DISP1: variants seen among roughly 807,000 people sequenced by gnomAD.
The protein encoded by DISP1 is protein dispatched homolog 1.
DISP1 carries 30 observed loss-of-function variants against 37.3 expected under a neutral mutation model. The ratio of observed to expected loss-of-function variants is 0.80; its 90% CI spans 0.60 to 1.09. The LOEUF is 1.09. Ranked by LOEUF, DISP1 falls within the 50% of genes least tolerant of loss-of-function variation. The probability of loss-of-function intolerance (pLI) is 0.00; values close to 1 mark genes in which losing one functional copy is unlikely to be tolerated. For synonymous variants in DISP1, 634 were observed against 690.2 expected, an observed-to-expected ratio of 0.92 and a Z score of 1.28; for missense variants, 1,598 against 1,879.5, an observed-to-expected ratio of 0.85 and a Z score of 2.77.
chr1:223,004,620 T>A lies in DISP1; in HGVS notation c.3223T>A (p.Ser1075Thr). 6.2e-7 allele frequency: 1 copy of A among 1,614,020 alleles called. No homozygotes were observed. Among genetic ancestry groups the A allele is most frequent in the Non-Finnish European group, 8.5e-7 (1 of 1,179,912 alleles). ...CGACCGAGAAGGCAAAGTGATCTTC[T>A]CTCTGAGTCGCGTGGGCTCTGCGAT... ...DPDREGKVIF[S>T]LSRVGSAMAM... Residue 1075 changes from serine to threonine, a missense_variant, in exon 9 of 9, where the codon TCT becomes ACT. Coordinates refer to ENST00000675850, the MANE Select transcript of DISP1 (RefSeq NM_001377229.1). The surrounding 1 kb of genome is among the most constrained non-coding windows in gnomAD (Gnocchi z 4.9).
chr1:222,870,863 C>G (rs1455181962), intron 1 of DISP1, among the ~76,000 whole-genome samples: 1 of 152,134 alleles, frequency 6.6e-6, no homozygotes, highest in African/African-American at 2.4e-5. Context: ...GAAGTCCTTG[C>G]CCATGCCTAT....
intron 1 of DISP1, among the ~76,000 whole-genome samples, chr1:222,842,843 A>G (rs1483313689): frequency 6.6e-6 from 1 of 152,056 alleles, no homozygotes; most frequent in Non-Finnish European, 1.5e-5. Flanking sequence ...GATGCACTTT[A>G]TGCTCCACAG....
intron 1 of DISP1, among the ~76,000 whole-genome samples, chr1:222,874,039 G>A (rs1669782296): frequency 6.6e-6 from 1 of 152,140 alleles, no homozygotes; most frequent in South Asian, 2.1e-4. Context: ...ATGAAACTTA[G>A]TTTGGCTGGA....
chr1:222,946,153 C>T (rs1001434680), intron 3 of DISP1, among the ~76,000 whole-genome samples: 56 of 149,044 alleles, frequency 3.8e-4, no homozygotes, highest in African/African-American at 1.1e-3. Context: ...GCAGGCAGAT[C>T]GCGAGGTCAG....
At chr1:222,858,263 AGTT>A (rs1668660058) in intron 1 of DISP1, among the ~76,000 whole-genome samples, 1 of 152,206 alleles carries the variant, frequency 6.6e-6, no homozygotes, top group Non-Finnish European at 1.5e-5. Context: ...AAGAAAGTCT[AGTT>A]GTGTTTCATA....
intron 8 of DISP1, among the ~76,000 whole-genome samples, chr1:222,996,099 A>G (rs1023498079): frequency 6.6e-6 from 1 of 152,218 alleles, no homozygotes; most frequent in Non-Finnish European, 1.5e-5. Context: ...ATTTTCTGTC[A>G]GTGCTATCTT....
intron 1 of DISP1, among the ~76,000 whole-genome samples, chr1:222,926,029 C>G (rs1050188846): frequency 6.6e-6 from 1 of 152,144 alleles, no homozygotes; most frequent in Non-Finnish European, 1.5e-5. Flanking sequence ...AATTCTATAA[C>G]ATTTTCACCA....
At chr1:222,934,807 C>A (rs935192397) in intron 2 of DISP1, among the ~76,000 whole-genome samples, 2 of 152,008 alleles carry the variant, frequency 1.3e-5, no homozygotes, top group East Asian at 3.9e-4. Context: ...CTAAAAAGAT[C>A]AAAATCTTAA....
In DISP1 at chr1:222,977,097, T is replaced by A. The variant is rs576926801; in HGVS notation, c.510-5983T>A. ...CAGGCTGGAGTACAATGGCGCGATC[T>A]CGGTTCACCGCAACCTCCGCCTCCC... On this transcript the variant is annotated intron_variant, in intron 3 of 8. Transcript: ENST00000675850. 2.0e-5 allele frequency among the ~76,000 whole-genome samples: 3 copies of A among 152,306 alleles called. No homozygotes were observed. The East Asian group carries it at 5.8e-4, about 29-fold the overall frequency.
intron 1 of DISP1, among the ~76,000 whole-genome samples, chr1:222,897,875 CAT>C (rs1671357342): frequency 6.6e-6 from 1 of 152,126 alleles, no homozygotes; most frequent in African/African-American, 2.4e-5. Flanking sequence ...AATGTAAAAA[CAT>C]GTACATGTCC....
rs549578100 is a variant in DISP1, at chr1:222,922,695, G to A, written c.-158-5735G>A. Among the ~76,000 whole-genome samples the A allele has an allele frequency of 1.5e-3, 222 of 152,258 alleles. 2 individuals are homozygous for A. The highest frequency in any genetic ancestry group is 5.2e-3 in the African/African-American group (214 of 41,552). On this transcript the variant is annotated intron_variant, in intron 1 of 8. Transcript: ENST00000675850. ...ATATACATTGAAATGTCCTTAGAGA[G>A]TAGAAGCTGCAGAAATGGAACTTAT... is the stretch of plus-strand genomic sequence containing the variant.
chr1:222,930,334 C>T (rs966665115), intron 2 of DISP1, among the ~76,000 whole-genome samples: 5 of 152,056 alleles, frequency 3.3e-5, no homozygotes, highest in African/African-American at 1.2e-4. Context: ...TTCCTGATTA[C>T]ATTCTGACAC....
intron 1 of DISP1, among the ~76,000 whole-genome samples, chr1:222,896,675 A>T (rs1671280058): frequency 6.6e-6 from 1 of 152,154 alleles, no homozygotes; most frequent in Admixed American, 6.5e-5. Context: ...ACAATGTGTG[A>T]CAAAGGGCTT....
intron 1 of DISP1, among the ~76,000 whole-genome samples, chr1:222,884,627 T>C (rs1670473549): frequency 1.3e-5 from 2 of 152,246 alleles, no homozygotes; most frequent in African/African-American, 4.8e-5. Context: ...TAAGTCTTAA[T>C]GCATCATATC....
chr1:222,907,854 C>T (rs1443038361), intron 1 of DISP1, among the ~76,000 whole-genome samples: 1 of 152,164 alleles, frequency 6.6e-6, no homozygotes, highest in East Asian at 1.9e-4. Context: ...GAGGCTGAGG[C>T]AGGAGAATTG....
In DISP1 at chr1:222,974,303, G is replaced by T. The variant is rs149394486; in HGVS notation, c.510-8777G>T. Among the ~76,000 whole-genome samples the T allele has an allele frequency of 1.1e-4, 17 of 152,198 alleles. No homozygotes were observed. The East Asian group carries it at 3.3e-3, about 29-fold the overall frequency. On this transcript the variant is annotated intron_variant, in intron 3 of 8. Transcript: ENST00000675850. ...TCTCACAAATCCTGAGTAATTAAAG[G>T]AATTGCTCAAGATCATCAAGATCAT...
intron 2 of DISP1, among the ~76,000 whole-genome samples, chr1:222,930,497 T>C (rs1379910886): frequency 1.3e-5 from 2 of 152,134 alleles, no homozygotes; most frequent in African/African-American, 2.4e-5. Context: ...TCTTAATTTC[T>C]ATTCTCTTAT....
chr1:222,974,212 G>C (rs1287957692), intron 3 of DISP1, among the ~76,000 whole-genome samples: 1 of 151,914 alleles, frequency 6.6e-6, no homozygotes, highest in Non-Finnish European at 1.5e-5. Context: ...TTTTTCTCTT[G>C]GATAATTCTC....
At chr1:222,914,950 G>C (rs1174358693) in intron 1 of DISP1, among the ~76,000 whole-genome samples, 1 of 152,102 alleles carries the variant, frequency 6.6e-6, no homozygotes, top group East Asian at 1.9e-4. Flanking sequence ...TTGGTTGTCA[G>C]AGCAAGACTC....
Sources: allele counts gnomAD v4.1 joint callset (sites outside exome capture counted in the v4.1 genomes callset), GRCh38; gene constraint gnomAD v4.1.1; non-coding constraint Gnocchi (gnomAD v3.1); transcripts MANE v1.5; gene names NCBI Gene and HGNC (gene_info 2026-07-23, HGNC 2026-07-21).